Variants in DEPDC4 observed in about 807,000 individuals in gnomAD.
The protein encoded by DEPDC4 is DEP domain-containing protein 4.
Under a neutral mutation model 52.0 loss-of-function variants are expected in DEPDC4, and 52 were observed. The ratio of observed to expected loss-of-function variants is 1.00; its 90% confidence interval spans 0.80 to 1.26. The LOEUF is 1.26. Among genes scored for constraint, DEPDC4 ranks in the 50% most tolerant of loss-of-function variants. The pLI, the probability that DEPDC4 is intolerant of heterozygous loss-of-function variation, is 0.00. For synonymous variants in DEPDC4, 201 were observed against 196.8 expected, an observed-to-expected ratio of 1.02 and a Z score of -0.18; for missense variants, 530 against 546.9, an observed-to-expected ratio of 0.97 and a Z score of 0.31.
chr12:100,280,460 C>A, the DEPDC4 span, among the ~76,000 whole-genome samples: 132 of 152,236 alleles, frequency 8.7e-4, no homozygotes, highest in Non-Finnish European at 1.6e-3. Context: ...ACTGTCTATG[C>A]CCATGTATTC....
intron 1 of DEPDC4, among the ~76,000 whole-genome samples, chr12:100,266,412 G>A (rs2096273446): frequency 2.0e-5 from 3 of 152,128 alleles, no homozygotes; most frequent in Non-Finnish European, 4.4e-5. Context: ...GAGGGTACTC[G>A]ACGGGGTAGG....
In DEPDC4 at chr12:100,253,471, A is replaced by G. The variant is rs1276481299; in HGVS notation, c.1105+18T>C. On this transcript the variant is annotated intron_variant, in intron 5 of 9. Coordinates refer to ENST00000550587, the MANE Select transcript of DEPDC4 (RefSeq NM_001364818.2). Reference sequence around the variant, plus strand: ...GTTTTATTACACCAAAAATTAAAATATAAACATCCTATCTTACCTAAAAGT... The same window carrying G: ...GTTTTATTACACCAAAAATTAAAATGTAAACATCCTATCTTACCTAAAAGT... The G allele has an allele frequency of 8.9e-7, 1 of 1,125,060 alleles. No individual in the cohort carries two copies. Among genetic ancestry groups the G allele is most frequent in the East Asian group, 5.9e-5 (1 of 16,992 alleles). The allele number at this position is 1,125,060 out of a possible 1,614,324, so 69.7% of individuals were successfully genotyped here.
chr12:100,250,014 G>A (rs371150753), intron 7 of DEPDC4, among the ~76,000 whole-genome samples: 138 of 152,214 alleles, frequency 9.1e-4, no homozygotes, highest in African/African-American at 3.0e-3. Context: ...GGACAGCCCC[G>A]TAACAGGAAA....
intron 9 of DEPDC4, among the ~76,000 whole-genome samples, chr12:100,232,611 C>T (rs544632294): frequency 4.6e-5 from 7 of 152,068 alleles, no homozygotes; most frequent in South Asian, 4.2e-4. Context: ...AGGCTGGGCA[C>T]GGTGGCTCAC....
the DEPDC4 span, among the ~76,000 whole-genome samples, chr12:100,275,751 T>C: frequency 6.6e-6 from 1 of 152,250 alleles, no homozygotes; most frequent in Admixed American, 6.5e-5. Flanking sequence ...ACTTACCTTG[T>C]TCTGAAACTT....
intron 8 of DEPDC4, among the ~76,000 whole-genome samples, chr12:100,244,321 C>T (rs1403422549): frequency 6.6e-6 from 1 of 151,024 alleles, no homozygotes; most frequent in Non-Finnish European, 1.5e-5. Context: ...GCTGGGACTA[C>T]AGGCACCCGC....
At chr12:100,252,366 T>G (rs762407296) in intron 6 of DEPDC4, 28 bp downstream of exon 6, 2 of 1,517,574 alleles carry the variant, frequency 1.3e-6, no homozygotes, top group South Asian at 2.5e-5. Context: ...CAAAAAAAAA[T>G]GGCAAAACTT....
chr12:100,272,651 G>A, the DEPDC4 span, among the ~76,000 whole-genome samples: 1 of 152,068 alleles, frequency 6.6e-6, no homozygotes, highest in Non-Finnish European at 1.5e-5. Context: ...TAAAACAACT[G>A]GCTTCTATAT....
chr12:100,270,623 CTTTTTTTTTT>C (rs559329533), upstream of DEPDC4, among the ~76,000 whole-genome samples: 3 of 125,704 alleles, frequency 2.4e-5, no homozygotes, highest in African/African-American at 6.1e-5. Context: ...ATGTTGCTTT[CTTTTTTTTTT>C]TTTTTTTAAT....
In DEPDC4 at chr12:100,266,790, G is replaced by T. The variant is rs1221029759; in HGVS notation, c.157+130C>A. 14 of 1,259,466 alleles carry T rather than the reference G, an allele frequency of 1.1e-5. No homozygotes were observed. The East Asian group carries it at 2.9e-4, about 26-fold the overall frequency. 78.0% of individuals were successfully genotyped at this position (1,259,466 alleles called of 1,614,324 possible). ...GGTCCCCCAGTCCAGTGCCTGGTAG[G>T]GCAGGAAGGGGGCGGGGCTAGGAAA... On this transcript the variant is annotated intron_variant, in intron 1 of 9. Coordinates refer to ENST00000550587, the MANE Select transcript of DEPDC4 (RefSeq NM_001364818.2).
chr12:100,281,019 G>GTTTTTTTTTT, the DEPDC4 span, among the ~76,000 whole-genome samples: 3 of 50,492 alleles, frequency 5.9e-5, no homozygotes, highest in African/African-American at 2.1e-4. Context: ...TACCATCAGT[G>GTTTTTTTTTT]TTTTTTTTTT....
At chr12:100,244,091 C>CTCTATATATATATATA (rs2096172627) in intron 8 of DEPDC4, among the ~76,000 whole-genome samples, 1 of 34,990 alleles carries the variant, frequency 2.9e-5, no homozygotes, top group Non-Finnish European at 5.3e-5. Flanking sequence ...CTCTCTCTCT[C>CTCTATATATATATATA]TGTGTATATA....
intron 4 of DEPDC4, among the ~76,000 whole-genome samples, 155 bp from the exon 5 acceptor site, chr12:100,253,870 C>T (rs1350956741): frequency 1.3e-5 from 2 of 152,112 alleles, no homozygotes; most frequent in Non-Finnish European, 2.9e-5. Context: ...ATACATTTTG[C>T]TGGATGAGTG....
chr12:100,269,868 A>G (rs2096285530), upstream of DEPDC4, among the ~76,000 whole-genome samples: 1 of 152,222 alleles, frequency 6.6e-6, no homozygotes, highest in Non-Finnish European at 1.5e-5. Flanking sequence ...CTAGGCATCT[A>G]TGTGGTTTAA....
chr12:100,276,509 A>G, the DEPDC4 span, among the ~76,000 whole-genome samples: 2 of 151,662 alleles, frequency 1.3e-5, no homozygotes, highest in Non-Finnish European at 2.9e-5. Context: ...ATTTTATTTT[A>G]TTTGTTTTTG....
At chr12:100,243,846 T>C (rs1035383033) in intron 8 of DEPDC4, among the ~76,000 whole-genome samples, 3 of 151,928 alleles carry the variant, frequency 2.0e-5, no homozygotes, top group Non-Finnish European at 2.9e-5. Flanking sequence ...GTGATTAAGA[T>C]AGCTCTAATT....
chr12:100,253,477 A>G lies in DEPDC4; in HGVS notation c.1105+12T>C, dbSNP rs1204041403. On this transcript the variant is annotated intron_variant, in intron 5 of 9. Coordinates refer to ENST00000550587, the MANE Select transcript of DEPDC4 (RefSeq NM_001364818.2). The stretch of plus-strand genomic sequence containing the variant: ...TTACACCAAAAATTAAAATATAAAC[A>G]TCCTATCTTACCTAAAAGTTCAATA... 3 of 1,167,954 alleles carry G rather than the reference A, an allele frequency of 2.6e-6. No individual in the cohort carries two copies. The African/African-American group carries it at 4.8e-5, about 19-fold the overall frequency. The allele number at this position is 1,167,954 out of a possible 1,614,324, so 72.3% of individuals were successfully genotyped here. A position where few individuals can be genotyped will look rare whatever the true frequency, so the allele number is the denominator to read the frequency against.
intron 8 of DEPDC4, among the ~76,000 whole-genome samples, chr12:100,244,159 T>C (rs2096174911): frequency 7.3e-6 from 1 of 137,354 alleles, no homozygotes. Context: ...AAAATACAAT[T>C]TTATTTTATG....
upstream of DEPDC4, chr12:100,267,204 GTCCCCGGTCCCTCCCC>G: frequency 1.0e-6 from 1 of 982,390 alleles, no homozygotes. Flanking sequence ...CTTACTCTTC[GTCCCCGGTCCCTCCCC>G]TCCCCACCCC....
Sources: allele counts gnomAD v4.1 joint callset (sites outside exome capture counted in the v4.1 genomes callset), GRCh38; gene constraint gnomAD v4.1.1; transcripts MANE v1.5; gene names NCBI Gene and HGNC (gene_info 2026-07-23, HGNC 2026-07-21).